The following ARL10 variants were observed in gnomAD, a reference collection of about 807,000 sequenced individuals.
ARL10 encodes the protein ADP-ribosylation factor-like protein 10.
A neutral mutation model predicts 26.1 loss-of-function variants in ARL10; 23 were observed. That is an observed-to-expected ratio of 0.88 (90% CI 0.63 to 1.25). The LOEUF (loss-of-function observed/expected upper bound fraction) is 1.25, where lower values mean the gene tolerates loss of function less well. Among genes scored for constraint, ARL10 ranks in the 50% most tolerant of loss-of-function variants. ARL10 has a pLI of 0.00. For missense variants in ARL10, 300 were observed against 323.6 expected (o/e 0.93, Z 0.56); for synonymous variants, 138 against 149.1 (o/e 0.93, Z 0.54).
Position 176,379,989 on chromosome 5 carries a change from G to T in ARL10, c.*8094G>T, listed in dbSNP as rs1031792115. ...TTTTTGAGTATTTTCTCTTGGATTA[G>T]TTAAGTCTTTATGATGGCTCTAAGC... On this transcript the variant is annotated 3_prime_UTR_variant, in exon 4 of 4. Transcript: ENST00000310389. The T allele has an allele frequency of 6.6e-6, 1 of 152,194 alleles. No homozygotes were observed. Among genetic ancestry groups the T allele is most frequent in the Non-Finnish European group, 1.5e-5 (1 of 68,044 alleles). 9.4% of individuals were successfully genotyped at this position (152,194 alleles called of 1,614,324 possible). A position where few individuals can be genotyped will look rare whatever the true frequency, so the allele number is the denominator to read the frequency against.
At chr5:176,399,489 C>CCT (rs1353886688) in intron 1 of ARL10, among the ~76,000 whole-genome samples, 3 of 152,196 alleles carry the variant, frequency 2.0e-5, no homozygotes, top group Non-Finnish European at 4.4e-5. Context: ...TGCCTATAAT[C>CCT]CCAGCACTTC....
intron 1 of ARL10, among the ~76,000 whole-genome samples, chr5:176,397,298 C>T (rs1756571103): frequency 6.6e-6 from 1 of 151,578 alleles, no homozygotes; most frequent in South Asian, 2.1e-4. Flanking sequence ...TCAGTCATGT[C>T]CCCACAGCCC....
rs78875106 is a variant in ARL10 at position 176,396,263 on chromosome 5, T to C, written c.134-5478T>C. ...GCAAGCACATTCCTTTCTCTGCCTT[T>C]ATCCTGCAAGGCTCTGATTTAGCCA... On this transcript the variant is annotated intron_variant, in intron 1 of 1. Coordinates refer to the ARL10 transcript ENST00000514533. Among the ~76,000 whole-genome samples, 45 of 152,172 alleles carry C rather than the reference T, an allele frequency of 3.0e-4. 1 individual carries two copies. The East Asian group carries it at 7.7e-3, about 26-fold the overall frequency.
At chr5:176,389,000 A>G (rs1421559683), downstream of ARL10, 2 of 1,612,872 alleles carry the variant, frequency 1.2e-6, no homozygotes, top group Admixed American at 3.3e-5. Context: ...GGAACTGCAC[A>G]AGGAGAGGAC....
At chr5:176,392,695 T>C (rs576020935), downstream of ARL10, 4 of 1,519,678 alleles carry the variant, frequency 2.6e-6, no homozygotes, top group Non-Finnish European at 3.6e-6. The surrounding 1 kb of genome is among the most constrained non-coding windows in gnomAD (Gnocchi z 5.2). Flanking sequence ...CTGCTGCGAG[T>C]CTCCACCCCG....
At chr5:176,403,035 T>C (rs1756902400), downstream of ARL10, among the ~76,000 whole-genome samples, 1 of 151,046 alleles carries the variant, frequency 6.6e-6, no homozygotes, top group Admixed American at 6.6e-5. Flanking sequence ...GCCATCTCCA[T>C]AAAGCCTGCC....
At chr5:176,389,430 C>T, downstream of ARL10, 1 of 1,614,210 alleles carries the variant, frequency 6.2e-7, no homozygotes, top group Non-Finnish European at 8.5e-7. Context: ...CGGATCGCCG[C>T]CCAGGGTTTC....
chr5:176,371,266 T>C (rs1561773931), intron 3 of ARL10, among the ~76,000 whole-genome samples: 1 of 152,120 alleles, frequency 6.6e-6, no homozygotes, highest in Admixed American at 6.5e-5. Context: ...TCCCAGCTAC[T>C]AGGGAGGCTG....
downstream of ARL10, chr5:176,386,669 T>C (rs1329536083): frequency 1.4e-6 from 1 of 712,346 alleles, no homozygotes; most frequent in Non-Finnish European, 2.6e-6. Flanking sequence ...GTCAGTACAA[T>C]GAAAAATGAG....
downstream of ARL10, chr5:176,384,695 G>A (rs551759865): frequency 9.9e-5 from 40 of 403,534 alleles, no homozygotes; most frequent in Admixed American, 1.1e-3. Flanking sequence ...GTTTCAGCCC[G>A]GGAGGATGAG....
At chr5:176,366,237 G>A in intron 1 of ARL10, 143 bp from the exon 2 acceptor site, 1 of 963,272 alleles carries the variant, frequency 1.0e-6, no homozygotes. Context: ...CAAAGGCGGC[G>A]TTCGTCCCAC....
At chr5:176,413,172 G>A in the ARL10 span, among the ~76,000 whole-genome samples, 7 of 152,006 alleles carry the variant, frequency 4.6e-5, no homozygotes, top group African/African-American at 1.4e-4. Flanking sequence ...ATCTACCACC[G>A]GGAGTCCACA....
In ARL10 at chr5:176,393,921, C is replaced by G. The variant is rs371742451; in HGVS notation, c.134-7820C>G. On this transcript the variant is annotated intron_variant, in intron 1 of 1. Transcript: ENST00000514533. The surrounding 1 kb of genome is among the most constrained non-coding windows in gnomAD (Gnocchi z 4.4). ...GGGTCGCTCACAAGTCCCTGGAAGC[C>G]CCCTCTCCATCTCAAGCAGGACCAG... is the stretch of plus-strand genomic sequence containing the variant. 8.5e-5 allele frequency among the ~76,000 whole-genome samples: 13 copies of G among 152,254 alleles called. No homozygotes were observed. The East Asian group carries it at 1.9e-3, about 23-fold the overall frequency.
rs1267976405 is a variant in ARL10, at chr5:176,375,737, A to G, written c.*3842A>G. The G allele has an allele frequency of 1.3e-5, 2 of 152,224 alleles. No homozygotes were observed. The highest frequency in any genetic ancestry group is 1.9e-4 in the East Asian group (1 of 5,198). The allele number at this position is 152,224 out of a possible 1,614,324, so 9.4% of individuals were successfully genotyped here. On this transcript the variant is annotated 3_prime_UTR_variant, in exon 4 of 4. Transcript: ENST00000310389. ...GAGCAGGGGTCACTTATGTTCCCCC[A>G]TAAGTCTGCACAGCTCCTAAACAAG...
At chr5:176,392,806 T>G (rs1477079344), downstream of ARL10, 1 of 1,614,236 alleles carries the variant, frequency 6.2e-7, no homozygotes, top group Non-Finnish European at 8.5e-7. This position sits in a 1 kb window ranked among gnomAD's most constrained non-coding sequence, Gnocchi z 5.2. Flanking sequence ...TTCAGGGACA[T>G]GAGCACCGAG....
rs937212976 is a variant in ARL10, at chr5:176,377,945, A to G, written c.*6050A>G. Reference sequence around the variant, plus strand: ...CCCCAGCTAATTTTTTGTAATTTTTATAGAGAGGGTTTTATCCTCTTGCCC... The same window carrying G: ...CCCCAGCTAATTTTTTGTAATTTTTGTAGAGAGGGTTTTATCCTCTTGCCC... On this transcript the variant is annotated 3_prime_UTR_variant, in exon 4 of 4. Transcript: ENST00000310389. This position sits in a 1 kb window ranked among gnomAD's most constrained non-coding sequence, Gnocchi z 4.5. 2 of 152,036 alleles carry G rather than the reference A, an allele frequency of 1.3e-5. No individual in the cohort carries two copies. The highest frequency in any genetic ancestry group is 4.8e-5 in the African/African-American group (2 of 41,380). 9.4% of individuals were successfully genotyped at this position (152,036 alleles called of 1,614,324 possible). A position where few individuals can be genotyped will look rare whatever the true frequency, so the allele number is the denominator to read the frequency against.
Position 176,374,287 on chromosome 5 carries a change from A to T in ARL10, c.*2392A>T, listed in dbSNP as rs1459562253. 1 of 152,312 alleles carries T rather than the reference A, an allele frequency of 6.6e-6. No individual in the cohort carries two copies. The highest frequency in any genetic ancestry group is 3.4e-3 in the Middle Eastern group (1 of 294). The allele number at this position is 152,312 out of a possible 1,614,324, so 9.4% of individuals were successfully genotyped here. The stretch of plus-strand genomic sequence containing the variant: ...TTGCTCAGCCCCTTAATTTTGAGAG[A>T]TTGACCAAAATCCCACGCACTGACA... On this transcript the variant is annotated 3_prime_UTR_variant, in exon 4 of 4. Transcript: ENST00000310389.
At chr5:176,388,260 C>A (rs369903036) in intron 1 of ARL10, 8 of 1,613,736 alleles carry the variant, frequency 5.0e-6, no homozygotes, top group Non-Finnish European at 5.9e-6. Flanking sequence ...GGGCACCGCC[C>A]TGTTGGGGTC....
Position 176,368,990 on chromosome 5 carries a change from CTG to C in ARL10, c.561+11_561+12del. The C allele has an allele frequency of 6.2e-7, 1 of 1,613,694 alleles. No homozygotes were observed. Among genetic ancestry groups the C allele is most frequent in the Non-Finnish European group, 8.5e-7 (1 of 1,179,950 alleles). On this transcript the variant is annotated intron_variant, in intron 3 of 3. Coordinates refer to ENST00000310389, the MANE Select transcript of ARL10 (RefSeq NM_173664.6). The surrounding 1 kb of genome is among the most constrained non-coding windows in gnomAD (Gnocchi z 4.1). The stretch of plus-strand genomic sequence containing the variant: ...GTGGTGGCCAACAAGCAGGTGAGGG[CTG>C]TGAGAGGGCAGCTCGGTCCAGGTGA...
Sources: allele counts gnomAD v4.1 joint callset (sites outside exome capture counted in the v4.1 genomes callset), GRCh38; gene constraint gnomAD v4.1.1; non-coding constraint Gnocchi (gnomAD v3.1); transcripts MANE v1.5; gene names NCBI Gene and HGNC (gene_info 2026-07-23, HGNC 2026-07-21).